GBF1: variants seen among roughly 807,000 people sequenced by gnomAD.
GBF1 encodes Golgi-specific brefeldin A-resistance guanine nucleotide exchange factor 1.
Under a neutral mutation model 210.5 loss-of-function variants are expected in GBF1, and 114 were observed. The ratio of observed to expected loss-of-function variants is 0.54; its 90% CI spans 0.47 to 0.63. The LOEUF (loss-of-function observed/expected upper bound fraction) is 0.63. Among genes scored for constraint, GBF1 ranks in the 30% least tolerant of loss-of-function variants. GBF1 has a pLI of 0.00. For synonymous variants in GBF1, 850 were observed against 889.2 expected, an observed-to-expected ratio of 0.96 and a Z score of 0.78; for missense variants, 1,851 against 2,357.7, an observed-to-expected ratio of 0.79 and a Z score of 4.45.
At chr10:102,321,809 AC>A (rs1252558565) in intron 3 of GBF1, among the ~76,000 whole-genome samples, 4 of 152,042 alleles carry the variant, frequency 2.6e-5, no homozygotes, top group South Asian at 4.1e-4. Flanking sequence ...TGATCTGCCC[AC>A]CTTGGCCTCC....
chr10:102,285,295 T>C (rs2075842183), intron 3 of GBF1, among the ~76,000 whole-genome samples: 1 of 152,236 alleles, frequency 6.6e-6, no homozygotes, highest in Non-Finnish European at 1.5e-5. Context: ...TAGGTCTTGC[T>C]GACTATACAG....
intron 4 of GBF1, among the ~76,000 whole-genome samples, chr10:102,349,628 C>T (rs1467569978): frequency 6.6e-6 from 1 of 152,172 alleles, no homozygotes; most frequent in African/African-American, 2.4e-5. Context: ...CATGCCACCT[C>T]TGGAGCAACT....
chr10:102,301,418 T>C (rs2077337130), intron 3 of GBF1, among the ~76,000 whole-genome samples: 1 of 152,234 alleles, frequency 6.6e-6, no homozygotes, highest in South Asian at 2.1e-4. Flanking sequence ...TTTCTCTATC[T>C]TTTCCCCACA....
At chr10:102,278,127 G>A (rs542757769) in intron 3 of GBF1, among the ~76,000 whole-genome samples, 9 of 152,156 alleles carry the variant, frequency 5.9e-5, no homozygotes, top group East Asian at 1.9e-4. Flanking sequence ...GCATGGTGGC[G>A]TGTGCCTGTA....
intron 4 of GBF1, among the ~76,000 whole-genome samples, chr10:102,345,968 G>C (rs78958848): frequency 0.026 from 3,938 of 151,888 alleles, 88 homozygotes; most frequent in Non-Finnish European, 0.04. Flanking sequence ...AATTTCCATA[G>C]TGTAATATAG....
In GBF1 at chr10:102,361,860, G is replaced by A. The variant is rs771276617; in HGVS notation, c.1634G>A (p.Cys545Tyr). Residue 545 changes from cysteine to tyrosine, a missense_variant, in exon 14 of 40, where the codon TGT becomes TAT. This residue lies in a region of GBF1 where 804 missense variants were observed against 958.6 expected (regional missense o/e 0.84). Transcript: ENST00000369983. The part of the protein sequence containing the change: ...FVTELYINYD[C>Y]DYYCSNLFEE... Reference sequence around the variant, plus strand: ...ACAGAGCTCTACATCAACTATGATTGTGACTACTACTGTTCCAACCTCTTT... The same window carrying A: ...ACAGAGCTCTACATCAACTATGATTATGACTACTACTGTTCCAACCTCTTT... The A allele has an allele frequency of 3.1e-6, 5 of 1,613,852 alleles. No individual in the cohort carries two copies.
intron 32 of GBF1, 57 bp from the exon 33 acceptor site, chr10:102,376,878 C>CAGGG: frequency 6.2e-7 from 1 of 1,606,358 alleles, no homozygotes; most frequent in Non-Finnish European, 8.5e-7. Context: ...GGAGAAAAGG[C>CAGGG]AGGGTATCTA....
At chr10:102,288,202 T>C (rs1248039616) in intron 3 of GBF1, among the ~76,000 whole-genome samples, 1 of 152,204 alleles carries the variant, frequency 6.6e-6, no homozygotes, top group Non-Finnish European at 1.5e-5. Context: ...ATGAGAGCAC[T>C]TCAACTGGAT....
At chr10:102,293,890 G>T (rs895062732) in intron 3 of GBF1, among the ~76,000 whole-genome samples, 1 of 148,080 alleles carries the variant, frequency 6.8e-6, no homozygotes, top group African/African-American at 2.5e-5. Context: ...CCATTCTCCT[G>T]CCTCAGCTTC....
At chr10:102,343,947 CCAA>C (rs1352456480) in intron 3 of GBF1, 101 bp from the exon 4 acceptor site, 4 of 808,150 alleles carry the variant, frequency 4.9e-6, no homozygotes. Flanking sequence ...GAAGATTGAC[CCAA>C]CAACAAAGAC....
chr10:102,333,261 G>C (rs1311595162), intron 3 of GBF1, among the ~76,000 whole-genome samples: 1 of 152,178 alleles, frequency 6.6e-6, no homozygotes, highest in East Asian at 1.9e-4. Context: ...CTTAAGCCCA[G>C]GCTAGGAAAT....
intron 5 of GBF1, 76 bp downstream of exon 5, chr10:102,351,450 C>A: frequency 1.2e-6 from 1 of 859,118 alleles, no homozygotes; most frequent in Admixed American, 1.7e-5. Flanking sequence ...CTGCCCACAG[C>A]ATGAAACTGT....
chr10:102,362,149 C>T (rs968558469), intron 14 of GBF1, among the ~76,000 whole-genome samples: 42 of 150,148 alleles, frequency 2.8e-4, no homozygotes, highest in African/African-American at 8.8e-4. Context: ...CTCCACCTCC[C>T]GGGTTCACAC....
At chr10:102,306,776 A>G (rs1407151895) in intron 3 of GBF1, among the ~76,000 whole-genome samples, 1 of 152,134 alleles carries the variant, frequency 6.6e-6, no homozygotes, top group Non-Finnish European at 1.5e-5. Flanking sequence ...GGCCATTATT[A>G]TTAGCTTATA....
At chr10:102,350,350 CAAA>C (rs1308821730) in intron 4 of GBF1, among the ~76,000 whole-genome samples, 1 of 118,310 alleles carries the variant, frequency 8.5e-6, no homozygotes, top group Non-Finnish European at 1.8e-5. Context: ...ACTCCATCTC[CAAA>C]AAAAAAAAAA....
chr10:102,328,047 G>A (rs1270370126), intron 3 of GBF1, among the ~76,000 whole-genome samples: 1 of 152,226 alleles, frequency 6.6e-6, no homozygotes, highest in Non-Finnish European at 1.5e-5. Context: ...TCACAGACAT[G>A]TCTAGAGACA....
chr10:102,330,413 G>A (rs2134307041), intron 3 of GBF1, among the ~76,000 whole-genome samples: 1 of 152,242 alleles, frequency 6.6e-6, no homozygotes, highest in East Asian at 1.9e-4. Context: ...GCCGGGTGCA[G>A]TGGCTCACAC....
the GBF1 span, chr10:102,231,172 A>ACGGGGCTTCCAGC: frequency 7.2e-7 from 1 of 1,392,594 alleles, no homozygotes; most frequent in East Asian, 2.6e-5. Flanking sequence ...GGCCACCCCG[A>ACGGGGCTTCCAGC]CGGGGCTTCC....
rs1437688623 is a variant in GBF1 at position 102,328,299 on chromosome 10, C to T, written c.164-15752C>T. On this transcript the variant is annotated intron_variant, in intron 3 of 39. Coordinates refer to ENST00000369983, the MANE Select transcript of GBF1 (RefSeq NM_001377137.1). ...CTTGAACCCAGGAGTTCAAAACCAG[C>T]CTGGGAAATAATAGCAGGACCTCGT... 2.0e-5 allele frequency among the ~76,000 whole-genome samples: 3 copies of T among 152,074 alleles called. No homozygotes were observed. The East Asian group carries it at 5.8e-4, about 29-fold the overall frequency.
Sources: allele counts gnomAD v4.1 joint callset (sites outside exome capture counted in the v4.1 genomes callset), GRCh38; gene constraint gnomAD v4.1.1; regional missense constraint gnomAD v4.1.1; transcripts MANE v1.5; gene names NCBI Gene and HGNC (gene_info 2026-07-23, HGNC 2026-07-21).